NRL: variants seen among roughly 807,000 people sequenced by gnomAD.
NRL encodes neural retina-specific leucine zipper protein.
In NRL, 16 loss-of-function variants were observed where a neutral mutation model predicts 12.5. The ratio of observed to expected loss-of-function variants is 1.28; its 90% confidence interval spans 0.87 to 1.95. The LOEUF (loss-of-function observed/expected upper bound fraction) is 1.95, where lower values mean the gene tolerates loss of function less well. Among genes scored for constraint, NRL ranks in the 30% most tolerant of loss-of-function variants. NRL has a pLI of 0.00. For missense variants in NRL, 314 were observed against 325.8 expected, an observed-to-expected ratio of 0.96 and a Z score of 0.28; for synonymous variants, 142 against 150.9, an observed-to-expected ratio of 0.94 and a Z score of 0.43.
At chr14:24,086,561 C>G (rs898373047) in intron 1 of NRL, among the ~76,000 whole-genome samples, 2 of 152,254 alleles carry the variant, frequency 1.3e-5, no homozygotes, top group African/African-American at 4.8e-5. Context: ...ACCCCACACA[C>G]ATGCCCATGG....
At chr14:24,083,021 TC>T in intron 1 of NRL, 146 bp from the exon 2 acceptor site, 1 of 747,134 alleles carries the variant, frequency 1.3e-6, no homozygotes, top group African/African-American at 1.8e-5. Flanking sequence ...CACTGCAGAG[TC>T]CCCACCAGGC....
At chr14:24,096,563 T>G (rs974032392) in intron 1 of NRL, among the ~76,000 whole-genome samples, 5 of 152,136 alleles carry the variant, frequency 3.3e-5, no homozygotes, top group Non-Finnish European at 1.5e-5. Flanking sequence ...AAACGTTGAT[T>G]AAACAGTTAA....
chr14:24,109,102 T>A (rs924072709), intron 1 of NRL, among the ~76,000 whole-genome samples: 4 of 152,182 alleles, frequency 2.6e-5, no homozygotes, highest in African/African-American at 7.2e-5. Context: ...AAATGGGTGC[T>A]GAAGGTAGAA....
rs991273396 is a variant in NRL, at chr14:24,094,704, CCT to C, written c.-27-11831_-27-11830del. 2.6e-6 allele frequency: 4 copies of C among 1,512,224 alleles called. No homozygotes were observed. The highest frequency in any genetic ancestry group is 1.2e-5 in the South Asian group (1 of 82,846). The allele number at this position is 1,512,224 out of a possible 1,614,324, so 93.7% of individuals were successfully genotyped here. On this transcript the variant is annotated intron_variant, in intron 1 of 2. Coordinates refer to ENST00000561028, the MANE Select transcript of NRL (RefSeq NM_001354768.3). This position sits in a 1 kb window ranked among gnomAD's most constrained non-coding sequence, Gnocchi z 4.1. ...TCTCTATCTGCCACTCTCAGAACTTCCTCTCTCTCCTCGCTCCTCTCTGCTGA... is the reference window on the plus strand; with the variant it reads ...TCTCTATCTGCCACTCTCAGAACTTCCTCTCTCCTCGCTCCTCTCTGCTGA...
At chr14:24,098,096 A>G (rs987670821) in intron 1 of NRL, 4 of 900,464 alleles carry the variant, frequency 4.4e-6, no homozygotes, top group Admixed American at 2.8e-5. Flanking sequence ...GTGGGGAAAC[A>G]TAAGGCCAAC....
chr14:24,081,411 C>G lies in NRL; in HGVS notation c.539G>C (p.Arg180Pro). The G allele has an allele frequency of 6.6e-7, 1 of 1,519,834 alleles. No individual in the cohort carries two copies. The highest frequency in any genetic ancestry group is 8.8e-7 in the Non-Finnish European group (1 of 1,136,254). The allele number at this position is 1,519,834 out of a possible 1,614,324, so 94.1% of individuals were successfully genotyped here. Reference protein sequence around the residue: ...RGYAQACRSKRLQQRRGLEAE... With the variant: ...RGYAQACRSKPLQQRRGLEAE... ...CTCCAGCCCGCGCCGCTGCTGCAGC[C>G]GCTTGGAGCGACAGGCCTGCGCGTA... The change falls in exon 3 of 3, where the codon CGG becomes CCG. Residue 180 changes from arginine (R) to proline (P), a missense_variant. Physicochemically the swap from Arg to Pro is moderately radical, Grantham distance 103 (BLOSUM62 -2). Transcript: ENST00000561028. The surrounding 1 kb of genome is among the most constrained non-coding windows in gnomAD (Gnocchi z 4.4).
At position 24,081,498 on chromosome 14, in the gene NRL, C is replaced by A; in HGVS notation, c.452G>T (p.Gly151Val). 6.3e-7 allele frequency: 1 copy of A among 1,599,644 alleles called. No homozygotes were observed. The highest frequency in any genetic ancestry group is 8.5e-7 in the Non-Finnish European group (1 of 1,175,192). ...CCGCAGCGCCTCGTCGCGCCCGCAG[C>A]CCCGCAGCTGCCGGTTTAGCTCCCG... ...SVRELNRQLR[G>V]CGRDEALRLK... Residue 151 changes from glycine (G) to valine (V), a missense_variant, in exon 3 of 3, where the codon GGC becomes GTC. Physicochemically the swap from Gly to Val is moderately radical, Grantham distance 109. Transcript: ENST00000561028. The surrounding 1 kb of genome is among the most constrained non-coding windows in gnomAD (Gnocchi z 4.4).
chr14:24,104,408 T>C (rs1407880575), intron 1 of NRL, among the ~76,000 whole-genome samples: 6 of 149,522 alleles, frequency 4.0e-5, no homozygotes, highest in African/African-American at 1.5e-4. Flanking sequence ...GGCGCACAGA[T>C]CACGAGGTCA....
chr14:24,090,205 A>T (rs887712912), intron 1 of NRL, among the ~76,000 whole-genome samples: 1 of 138,128 alleles, frequency 7.2e-6, no homozygotes, highest in African/African-American at 2.7e-5. Context: ...GTTGAGCCTG[A>T]GGAATATTTG....
Position 24,094,727 on chromosome 14 carries a change from G to C in NRL, c.-27-11852C>G. 4 of 1,492,038 alleles carry C rather than the reference G, an allele frequency of 2.7e-6. No homozygotes were observed. The highest frequency in any genetic ancestry group is 3.6e-6 in the Non-Finnish European group (4 of 1,119,156). 92.4% of individuals were successfully genotyped at this position (1,492,038 alleles called of 1,614,324 possible). A position where few individuals can be genotyped will look rare whatever the true frequency, so the allele number is the denominator to read the frequency against. On this transcript the variant is annotated intron_variant, in intron 1 of 2. Coordinates refer to ENST00000561028, the MANE Select transcript of NRL (RefSeq NM_001354768.3). This position sits in a 1 kb window ranked among gnomAD's most constrained non-coding sequence, Gnocchi z 4.1. ...TTCCTCTCTCTCCTCGCTCCTCTCT[G>C]CTGAGCCAGGTCTCCGCATATCCTC...
intron 1 of NRL, chr14:24,098,341 TG>T (rs780697440): frequency 9.3e-6 from 15 of 1,613,782 alleles, no homozygotes; most frequent in Admixed American, 8.3e-5. Context: ...TGTCCCCAGC[TG>T]ATTTCCAGCG....
Position 24,094,488 on chromosome 14 carries a change from T to G in NRL, c.-27-11613A>C, listed in dbSNP as rs2036764674. The G allele has an allele frequency of 1.3e-6, 2 of 1,483,254 alleles. No individual in the cohort carries two copies. The highest frequency in any genetic ancestry group is 5.2e-5 in the Admixed American group (2 of 38,816). The allele number at this position is 1,483,254 out of a possible 1,614,324, so 91.9% of individuals were successfully genotyped here. A position where few individuals can be genotyped will look rare whatever the true frequency, so the allele number is the denominator to read the frequency against. ...CGCACCTTCCGCTGCGCTCGCCCCC[T>G]CGGGGCTGCCAGTGGCGCTCTCCTG... On this transcript the variant is annotated intron_variant, in intron 1 of 2. Coordinates refer to ENST00000561028, the MANE Select transcript of NRL (RefSeq NM_001354768.3). The surrounding 1 kb of genome is among the most constrained non-coding windows in gnomAD (Gnocchi z 4.1).
intron 1 of NRL, among the ~76,000 whole-genome samples, chr14:24,111,276 G>A (rs1319021551): frequency 1.3e-5 from 2 of 152,236 alleles, no homozygotes; most frequent in African/African-American, 4.8e-5. Flanking sequence ...ACCGTGCCCA[G>A]CTCACTTGTG....
intron 1 of NRL, chr14:24,103,226 C>G (rs1566581459): frequency 6.2e-7 from 1 of 1,613,966 alleles, no homozygotes; most frequent in Non-Finnish European, 8.5e-7. Context: ...GCCATGCGCT[C>G]TGAGTCCACT....
chr14:24,111,285 T>G (rs2037415155), intron 1 of NRL, among the ~76,000 whole-genome samples: 1 of 152,192 alleles, frequency 6.6e-6, no homozygotes, highest in Admixed American at 6.5e-5. Flanking sequence ...AGCTCACTTG[T>G]GCGTTAAGCA....
Position 24,078,770 on chromosome 14 carries a change from G to T in NRL, c.*2466C>A, listed in dbSNP as rs1566555440. Among the ~76,000 whole-genome samples the T allele has an allele frequency of 6.6e-6, 1 of 152,124 alleles. No individual in the cohort carries two copies. The highest frequency in any genetic ancestry group is 2.4e-5 in the African/African-American group (1 of 41,396). ...ACCATTTTTCTGACAATCAAGTGAGGCTTGATTTTAACCCACCCATGGTCA... is the reference window on the plus strand; with the variant it reads ...ACCATTTTTCTGACAATCAAGTGAGTCTTGATTTTAACCCACCCATGGTCA... On this transcript the variant is annotated 3_prime_UTR_variant, in exon 3 of 3. Coordinates refer to ENST00000561028, the MANE Select transcript of NRL (RefSeq NM_001354768.3).
intron 1 of NRL, chr14:24,098,687 C>T (rs368666493): frequency 1.9e-6 from 3 of 1,611,040 alleles, no homozygotes; most frequent in African/African-American, 1.3e-5. Context: ...AGGTAAGCAC[C>T]TGCTCTGCCC....
chr14:24,098,185 C>T lies in NRL; in HGVS notation c.-27-15310G>A, dbSNP rs1244835291. 7.0e-6 allele frequency: 11 copies of T among 1,576,452 alleles called. No homozygotes were observed. In the East Asian group the frequency reaches 2.5e-4, roughly 36 times the overall value. ...AACCTGCTGGCCACCATCTTCCTGACAATCCCCTCTCCCCCAGCTGGCTGG... is the reference window on the plus strand; with the variant it reads ...AACCTGCTGGCCACCATCTTCCTGATAATCCCCTCTCCCCCAGCTGGCTGG... On this transcript the variant is annotated intron_variant, in intron 1 of 2. Coordinates refer to ENST00000561028, the MANE Select transcript of NRL (RefSeq NM_001354768.3).
At position 24,094,072 on chromosome 14, in the gene NRL, G is replaced by T. The variant is rs765778188; in HGVS notation, c.-27-11197C>A. On this transcript the variant is annotated intron_variant, in intron 1 of 2. Transcript: ENST00000561028. The surrounding 1 kb of genome is among the most constrained non-coding windows in gnomAD (Gnocchi z 4.1). ...GCGGCTGGGAGGGCGGTGGCGGATG[G>T]GGGGCGGGGCCTCGAAGTCGGGGGC... is the stretch of plus-strand genomic sequence containing the variant. The T allele has an allele frequency of 9.3e-5, 50 of 536,676 alleles. No homozygotes were observed. The highest frequency in any genetic ancestry group is 1.4e-4 in the Non-Finnish European group (44 of 306,394). 33.2% of individuals were successfully genotyped at this position (536,676 alleles called of 1,614,324 possible).
Sources: allele counts gnomAD v4.1 joint callset (sites outside exome capture counted in the v4.1 genomes callset), GRCh38; gene constraint gnomAD v4.1.1; non-coding constraint Gnocchi (gnomAD v3.1); transcripts MANE v1.5; gene names NCBI Gene and HGNC (gene_info 2026-07-23, HGNC 2026-07-21).